SYT9: variants seen among roughly 807,000 people sequenced by gnomAD.
SYT9 encodes the protein synaptotagmin-9.
In SYT9, 22 loss-of-function variants were observed where a neutral mutation model predicts 48.4. The observed-to-expected ratio is 0.45, with a 90% CI of 0.32 to 0.65. SYT9 has a LOEUF of 0.65. Ranked by LOEUF, SYT9 falls within the 30% of genes least tolerant of loss-of-function variation. SYT9 has a pLI of 0.03. For synonymous variants in SYT9, 265 were observed against 245.0 expected (o/e 1.08, Z -0.76); for missense variants, 577 against 622.0 (o/e 0.93, Z 0.77).
chr11:7,251,261 G>A (rs1335117741), upstream of SYT9, among the ~76,000 whole-genome samples: 1 of 151,832 alleles, frequency 6.6e-6, no homozygotes, highest in African/African-American at 2.4e-5. Flanking sequence ...GGGTGCTGAA[G>A]ACACTTTGGC....
chr11:7,466,889 C>A lies in SYT9; in HGVS notation c.*89C>A. The A allele has an allele frequency of 6.6e-7, 1 of 1,506,074 alleles. No homozygotes were observed. Among genetic ancestry groups the A allele is most frequent in the Non-Finnish European group, 9.1e-7 (1 of 1,093,720 alleles). The allele number at this position is 1,506,074 out of a possible 1,614,324, so 93.3% of individuals were successfully genotyped here. On this transcript the variant is annotated 3_prime_UTR_variant, in exon 7 of 7. Coordinates refer to ENST00000318881, the MANE Select transcript of SYT9 (RefSeq NM_175733.4). ...AGTAACTTTTTCCATCCAGCAACAT[C>A]CAGACGATTTCAGTGACCAAATGCT...
chr11:7,382,450 C>T (rs567824882), intron 3 of SYT9, among the ~76,000 whole-genome samples: 47 of 152,100 alleles, frequency 3.1e-4, no homozygotes, highest in African/African-American at 1.1e-3. Flanking sequence ...TGAGATTCAT[C>T]TTGCCTTCAG....
chr11:7,463,902 G>T (rs764861944), intron 6 of SYT9, among the ~76,000 whole-genome samples: 1 of 152,184 alleles, frequency 6.6e-6, no homozygotes, highest in Non-Finnish European at 1.5e-5. Flanking sequence ...ATGGAGTTCA[G>T]GTGGGAGCTG....
At chr11:7,308,657 T>C (rs1849076220) in intron 2 of SYT9, among the ~76,000 whole-genome samples, 1 of 152,160 alleles carries the variant, frequency 6.6e-6, no homozygotes, top group African/African-American at 2.4e-5. Context: ...ATCTCCTTCA[T>C]AAAAGTTTCC....
At chr11:7,446,038 C>T (rs1847922624) in intron 6 of SYT9, among the ~76,000 whole-genome samples, 1 of 152,264 alleles carries the variant, frequency 6.6e-6, no homozygotes, top group Non-Finnish European at 1.5e-5. Flanking sequence ...CTGGCATAAG[C>T]CGCGTCTATG....
At chr11:7,439,859 C>A (rs1847795194) in intron 6 of SYT9, 1 of 152,230 alleles carries the variant, frequency 6.6e-6, no homozygotes, top group African/African-American at 2.4e-5. Flanking sequence ...TGGGGACATG[C>A]TCCCAGAAAG....
chr11:7,321,346 G>C (rs1183762224), intron 3 of SYT9, among the ~76,000 whole-genome samples: 1 of 152,186 alleles, frequency 6.6e-6, no homozygotes, highest in Non-Finnish European at 1.5e-5. Flanking sequence ...AGACCTGATG[G>C]AGGTGGACAC....
At chr11:7,239,909 A>G (rs993720303) in intron 1 of SYT9, among the ~76,000 whole-genome samples, 2 of 152,250 alleles carry the variant, frequency 1.3e-5, no homozygotes, top group African/African-American at 2.4e-5. Flanking sequence ...ATAGTTGCAC[A>G]TAGACAGATT....
chr11:7,416,754 T>G (rs1248179401), intron 4 of SYT9, among the ~76,000 whole-genome samples: 2 of 152,152 alleles, frequency 1.3e-5, no homozygotes, highest in African/African-American at 4.8e-5. Context: ...CTGTGAAGGG[T>G]CCTGAAACCA....
chr11:7,323,991 G>A (rs1849383450), intron 3 of SYT9, among the ~76,000 whole-genome samples: 1 of 151,658 alleles, frequency 6.6e-6, no homozygotes, highest in Non-Finnish European at 1.5e-5. Flanking sequence ...AAGATTTTGT[G>A]TCATTTTGTG....
intron 1 of SYT9, among the ~76,000 whole-genome samples, chr11:7,243,176 C>A (rs1847757050): frequency 6.6e-6 from 1 of 151,980 alleles, no homozygotes; most frequent in Admixed American, 6.6e-5. Context: ...GACAAGACAG[C>A]AATAATTTTG....
At chr11:7,342,749 G>A (rs923490077) in intron 3 of SYT9, among the ~76,000 whole-genome samples, 1 of 152,186 alleles carries the variant, frequency 6.6e-6, no homozygotes, top group African/African-American at 2.4e-5. Flanking sequence ...ACTCTGTGTG[G>A]GGGCTTCAAC....
At chr11:7,453,178 C>T (rs1218120384) in intron 6 of SYT9, among the ~76,000 whole-genome samples, 1 of 152,050 alleles carries the variant, frequency 6.6e-6, no homozygotes, top group Non-Finnish European at 1.5e-5. Context: ...ATTGCTTGAG[C>T]TCAGGAGTTC....
chr11:7,289,516 TA>T (rs1254957656), intron 1 of SYT9, among the ~76,000 whole-genome samples: 1 of 152,168 alleles, frequency 6.6e-6, no homozygotes, highest in Admixed American at 6.5e-5. Flanking sequence ...AAAACATGAA[TA>T]AAAAACTCTA....
rs534436189 is a variant in SYT9 at position 7,452,200 on chromosome 11, A to T, written c.1468-14592A>T. ...ATCAAATTCAAGTGTAAAATAAATC[A>T]AAAGTATAGTAATCTTAAGTAATTA... On this transcript the variant is annotated intron_variant, in intron 6 of 6. Coordinates refer to ENST00000318881, the MANE Select transcript of SYT9 (RefSeq NM_175733.4). 2.7e-4 allele frequency among the ~76,000 whole-genome samples: 41 copies of T among 152,282 alleles called. No individual in the cohort carries two copies. In the South Asian group the frequency reaches 8.5e-3, roughly 32 times the overall value.
intron 3 of SYT9, among the ~76,000 whole-genome samples, chr11:7,342,609 C>T (rs1417862905): frequency 5.3e-5 from 8 of 152,326 alleles, no homozygotes; most frequent in South Asian, 2.1e-4. Flanking sequence ...CGGCTGCTTT[C>T]GTGGGCTGGC....
At chr11:7,463,351 C>T (rs1023270100) in intron 6 of SYT9, among the ~76,000 whole-genome samples, 5 of 151,354 alleles carry the variant, frequency 3.3e-5, no homozygotes, top group African/African-American at 7.3e-5. Flanking sequence ...AAAAATCTTT[C>T]TTTTCTCACA....
At chr11:7,449,322 C>CAAAAAA (rs759372659) in intron 6 of SYT9, among the ~76,000 whole-genome samples, 1 of 44,760 alleles carries the variant, frequency 2.2e-5, no homozygotes, top group African/African-American at 6.5e-5. Context: ...GACTCCACCT[C>CAAAAAA]AAAAAAAAAA....
At position 7,432,600 on chromosome 11, in the gene SYT9, T is replaced by A. The variant is rs1279677171; in HGVS notation, c.1467+11965T>A. ...AAAAAAAAATATATATACATATATA[T>A]ATATATATATATATATATATATATA... On this transcript the variant is annotated intron_variant, in intron 6 of 6. Transcript: ENST00000318881. Among the ~76,000 whole-genome samples, 25 of 8,248 alleles carry A rather than the reference T, an allele frequency of 3.0e-3. 4 individuals carry two copies. The highest frequency in any genetic ancestry group is 0.014 in the South Asian group (2 of 138). The allele number at this position is 8,248 out of a possible 152,430, so 5.4% of individuals were successfully genotyped here. A position where few individuals can be genotyped will look rare whatever the true frequency, so the allele number is the denominator to read the frequency against.
Sources: allele counts gnomAD v4.1 joint callset (sites outside exome capture counted in the v4.1 genomes callset), GRCh38; gene constraint gnomAD v4.1.1; transcripts MANE v1.5; gene names NCBI Gene and HGNC (gene_info 2026-07-23, HGNC 2026-07-21).